The following ANO2 variants were observed in gnomAD, a reference collection of about 807,000 sequenced individuals.
ANO2 encodes the protein anoctamin 2, also known as anoctamin-2.
In ANO2, 101 loss-of-function variants were observed where a neutral mutation model predicts 124.2. The ratio of observed to expected loss-of-function variants is 0.81; its 90% CI spans 0.69 to 0.96. The LOEUF is 0.96. ANO2 is among the 40% of genes least tolerant of loss of function. The probability of loss-of-function intolerance (pLI) is 0.00; values close to 1 mark genes in which losing one functional copy is unlikely to be tolerated. For missense variants in ANO2, 1,293 were observed against 1,274.5 expected, an observed-to-expected ratio of 1.01 and a Z score of -0.22; for synonymous variants, 486 against 482.5, an observed-to-expected ratio of 1.01 and a Z score of -0.09.
At chr12:5,578,188 G>A (rs1008395256) in intron 21 of ANO2, among the ~76,000 whole-genome samples, 178 bp downstream of exon 21, 1 of 152,184 alleles carries the variant, frequency 6.6e-6, no homozygotes, top group Non-Finnish European at 1.5e-5. Flanking sequence ...GATCACAAGT[G>A]GGGGTGGATA....
intron 14 of ANO2, among the ~76,000 whole-genome samples, chr12:5,674,166 G>A (rs1408302919): frequency 1.3e-5 from 2 of 152,162 alleles, no homozygotes; most frequent in Non-Finnish European, 2.9e-5. Context: ...AAATCCCTGG[G>A]AATTTGCTGT....
intron 4 of ANO2, among the ~76,000 whole-genome samples, chr12:5,846,873 A>G (rs1426174397): frequency 6.6e-6 from 1 of 152,152 alleles, no homozygotes; most frequent in Non-Finnish European, 1.5e-5. Context: ...TTTTTTCCAA[A>G]TAAGATTATA....
intron 14 of ANO2, among the ~76,000 whole-genome samples, chr12:5,666,139 T>C (rs1025198362): frequency 1.3e-5 from 2 of 152,190 alleles, no homozygotes; most frequent in Non-Finnish European, 2.9e-5. Context: ...AGGTTTTGAT[T>C]GTCTTCTGAT....
At chr12:5,696,260 A>G (rs1209101455) in intron 14 of ANO2, among the ~76,000 whole-genome samples, 1 of 152,242 alleles carries the variant, frequency 6.6e-6, no homozygotes, top group Non-Finnish European at 1.5e-5. Flanking sequence ...TATCTAACAC[A>G]TTGATCAGAC....
At chr12:5,565,279 A>C (rs565818115) in intron 24 of ANO2, among the ~76,000 whole-genome samples, 5 of 152,264 alleles carry the variant, frequency 3.3e-5, no homozygotes, top group South Asian at 4.1e-4. Context: ...AGGTTTAAAC[A>C]GGAATCTATC....
chr12:5,698,271 C>G (rs188346821), intron 14 of ANO2, among the ~76,000 whole-genome samples: 2 of 152,200 alleles, frequency 1.3e-5, no homozygotes, highest in East Asian at 3.9e-4. Flanking sequence ...GATCAGGCAG[C>G]AACATTTGCT....
intron 10 of ANO2, among the ~76,000 whole-genome samples, chr12:5,780,210 T>C (rs1340484222): frequency 6.6e-6 from 1 of 152,196 alleles, no homozygotes; most frequent in East Asian, 1.9e-4. Flanking sequence ...CATATATTCC[T>C]ATAGATTCAT....
intron 14 of ANO2, among the ~76,000 whole-genome samples, chr12:5,727,664 G>A (rs1469278356): frequency 7.3e-6 from 1 of 136,692 alleles, no homozygotes; most frequent in African/African-American, 2.7e-5. Flanking sequence ...TTGAGACGGA[G>A]TCTCACTCTG....
chr12:5,592,960 C>G (rs1169047746), intron 20 of ANO2, among the ~76,000 whole-genome samples: 7 of 152,214 alleles, frequency 4.6e-5, no homozygotes, highest in Admixed American at 3.3e-4. Flanking sequence ...CGAGAGGAAC[C>G]TGCCCTATGC....
intron 14 of ANO2, among the ~76,000 whole-genome samples, chr12:5,661,269 G>A (rs867632367): frequency 2.6e-5 from 4 of 152,158 alleles, no homozygotes; most frequent in African/African-American, 9.6e-5. Flanking sequence ...CTTAATTTGG[G>A]TCCTTTTCTT....
intron 1 of ANO2, among the ~76,000 whole-genome samples, chr12:5,937,251 C>T (rs1942687304): frequency 6.6e-6 from 1 of 152,156 alleles, no homozygotes; most frequent in South Asian, 2.1e-4. Flanking sequence ...TATTAGCTAT[C>T]CTAACAGGTA....
intron 14 of ANO2, among the ~76,000 whole-genome samples, chr12:5,723,376 C>T (rs1484592623): frequency 6.6e-6 from 1 of 152,196 alleles, no homozygotes; most frequent in Non-Finnish European, 1.5e-5. Flanking sequence ...CTGGTTTCCG[C>T]CAATGAGGGG....
intron 14 of ANO2, among the ~76,000 whole-genome samples, chr12:5,693,050 C>G (rs1265562977): frequency 6.6e-6 from 1 of 152,120 alleles, no homozygotes; most frequent in African/African-American, 2.4e-5. Context: ...GCGCATCCAT[C>G]ATCATCCCAT....
chr12:5,942,852 T>C (rs777236246), intron 1 of ANO2, among the ~76,000 whole-genome samples: 1 of 152,124 alleles, frequency 6.6e-6, no homozygotes, highest in Non-Finnish European at 1.5e-5. Context: ...AACAAACATA[T>C]GAAAAAATGT....
chr12:5,610,466 T>C (rs1797214506), intron 19 of ANO2, among the ~76,000 whole-genome samples: 1 of 137,622 alleles, frequency 7.3e-6, no homozygotes, highest in Non-Finnish European at 1.5e-5. Flanking sequence ...TAAATATATA[T>C]ACATTTTATA....
At chr12:5,685,567 T>G (rs191484394) in intron 14 of ANO2, among the ~76,000 whole-genome samples, 1 of 152,306 alleles carries the variant, frequency 6.6e-6, no homozygotes, top group Non-Finnish European at 1.5e-5. Flanking sequence ...GTAGATCAGT[T>G]GAGCCCAGGA....
At chr12:5,861,351 T>A (rs1955260476) in intron 3 of ANO2, among the ~76,000 whole-genome samples, 1 of 151,936 alleles carries the variant, frequency 6.6e-6, no homozygotes, top group South Asian at 2.1e-4. Flanking sequence ...GAAGAAGGGG[T>A]TCGTACCCCC....
chr12:5,871,633 T>C (rs779421980), intron 3 of ANO2, among the ~76,000 whole-genome samples: 5 of 152,202 alleles, frequency 3.3e-5, no homozygotes, highest in Non-Finnish European at 7.3e-5. Context: ...GAGAATTTAA[T>C]GCCTGATGAT....
chr12:5,826,861 T>C (rs138392226), intron 7 of ANO2, among the ~76,000 whole-genome samples: 5 of 152,226 alleles, frequency 3.3e-5, no homozygotes, highest in African/African-American at 1.2e-4. Context: ...CTCTATTCAG[T>C]AGACAGGACT....
Sources: allele counts gnomAD v4.1 joint callset (sites outside exome capture counted in the v4.1 genomes callset), GRCh38; gene constraint gnomAD v4.1.1; transcripts MANE v1.5; gene names NCBI Gene and HGNC (gene_info 2026-07-23, HGNC 2026-07-21).